GTPBP4: variants seen among roughly 807,000 people sequenced by gnomAD.
The protein encoded by GTPBP4 is GTP binding protein 4, also known as GTP-binding protein 4.
In GTPBP4, 15 loss-of-function variants were observed where a neutral mutation model predicts 81.7. That is an observed-to-expected ratio of 0.18 (90% CI 0.12 to 0.28). The LOEUF (loss-of-function observed/expected upper bound fraction) is 0.28, where lower values mean the gene tolerates loss of function less well. GTPBP4 is among the 10% of genes least tolerant of loss of function. GTPBP4 has a pLI of 1.00. For missense variants in GTPBP4, 847 were observed against 793.8 expected, an observed-to-expected ratio of 1.07 and a Z score of -0.81; for synonymous variants, 272 against 274.6, an observed-to-expected ratio of 0.99 and a Z score of 0.09.
Position 1,019,780 on chromosome 10 carries a change from C to G in GTPBP4, c.*2553C>G. On this transcript the variant is annotated 3_prime_UTR_variant, in exon 17 of 17. Transcript: ENST00000360803. ...ATTTCATGCTCTCCCCAAATTCTGTCTGATTTTGCCTTGTGGTGATAGATT... is the reference window on the plus strand; with the variant it reads ...ATTTCATGCTCTCCCCAAATTCTGTGTGATTTTGCCTTGTGGTGATAGATT... The G allele has an allele frequency of 6.2e-7, 1 of 1,614,102 alleles. No homozygotes were observed. Among genetic ancestry groups the G allele is most frequent in the South Asian group, 1.1e-5 (1 of 91,082 alleles).
At chr10:989,570 G>A (rs995206760) in intron 1 of GTPBP4, among the ~76,000 whole-genome samples, 5 of 152,094 alleles carry the variant, frequency 3.3e-5, no homozygotes, top group African/African-American at 1.2e-4. Context: ...TTTTCCCCTC[G>A]TCAGTGCCTC....
Position 992,582 on chromosome 10 carries a change from A to T in GTPBP4, c.142A>T (p.Met48Leu). 6.3e-7 allele frequency: 1 copy of T among 1,599,864 alleles called. No individual in the cohort carries two copies. Among genetic ancestry groups the T allele is most frequent in the Non-Finnish European group, 8.6e-7 (1 of 1,167,300 alleles). The stretch of plus-strand genomic sequence containing the variant: ...AATACATCGCATTAGACATTTTTAC[A>T]TGAGAAAAGTCAAATTTACTCAACA... Reference protein sequence around the residue: ...YQIHRIRHFYMRKVKFTQQNY... With the variant: ...YQIHRIRHFYLRKVKFTQQNY... The change falls in exon 2 of 17, where the codon ATG becomes TTG. Residue 48 changes from methionine to leucine, a missense_variant. By Grantham distance (15) the Met-to-Leu change is conservative. Coordinates refer to ENST00000360803, the MANE Select transcript of GTPBP4 (RefSeq NM_012341.3).
In GTPBP4 at chr10:1,019,742, C is replaced by T. The variant is rs1349948487; in HGVS notation, c.*2515C>T. ...TCAGAGTGACGTTTTTCCTCACAAG[C>T]AGAAGGTAACAAATTTCATGCTCTC... On this transcript the variant is annotated 3_prime_UTR_variant, in exon 17 of 17. Coordinates refer to ENST00000360803, the MANE Select transcript of GTPBP4 (RefSeq NM_012341.3). The T allele has an allele frequency of 6.2e-7, 1 of 1,613,940 alleles. No individual in the cohort carries two copies. Among genetic ancestry groups the T allele is most frequent in the Admixed American group, 1.7e-5 (1 of 59,984 alleles).
intron 10 of GTPBP4, chr10:1,008,150 C>T (rs745959792): frequency 1.1e-5 from 5 of 454,338 alleles, no homozygotes; most frequent in South Asian, 3.1e-5. Context: ...CAGTGGCTCA[C>T]GTCTGTAATC....
chr10:998,716 T>G (rs1291708383), intron 5 of GTPBP4, among the ~76,000 whole-genome samples: 1 of 152,206 alleles, frequency 6.6e-6, no homozygotes, highest in East Asian at 1.9e-4. Flanking sequence ...AACATGCCTG[T>G]CATCATAAAG....
At chr10:1,005,271 G>A (rs913705087) in intron 8 of GTPBP4, among the ~76,000 whole-genome samples, 3 of 152,024 alleles carry the variant, frequency 2.0e-5, no homozygotes, top group African/African-American at 2.4e-5. Context: ...TCAGCCTCCC[G>A]AGTAGCTGGG....
chr10:1,001,066 A>C, intron 8 of GTPBP4, 53 bp downstream of exon 8: 653 of 1,279,306 alleles, frequency 5.1e-4, no homozygotes, highest in Non-Finnish European at 6.9e-4. Flanking sequence ...CTGAATTCTC[A>C]TCTCAGACAA....
chr10:1,011,074 T>G lies in GTPBP4; in HGVS notation c.1344+554T>G, dbSNP rs529388613. Among the ~76,000 whole-genome samples the G allele has an allele frequency of 3.2e-4, 26 of 82,152 alleles. 1 individual carries two copies. The East Asian group carries it at 0.012, about 37-fold the overall frequency. 53.9% of individuals were successfully genotyped at this position (82,152 alleles called of 152,430 possible). On this transcript the variant is annotated intron_variant, in intron 13 of 16. Transcript: ENST00000360803. Reference sequence around the variant, plus strand: ...TGGGCCCTTCATTCTCCTGCATCCCTCCATCCTGACTGTGCCTCCTGCACC... The same window carrying G: ...TGGGCCCTTCATTCTCCTGCATCCCGCCATCCTGACTGTGCCTCCTGCACC...
chr10:988,594 C>G lies in GTPBP4; in HGVS notation c.48+67C>G, dbSNP rs1589020168. The G allele has an allele frequency of 6.3e-6, 8 of 1,261,670 alleles. No individual in the cohort carries two copies. The South Asian group carries it at 9.6e-5, about 15-fold the overall frequency. The allele number at this position is 1,261,670 out of a possible 1,614,324, so 78.2% of individuals were successfully genotyped here. ...CTCAGCTGGGTCCCCGGGGAGGGTCCGGGCCTGTAGCCGTGGGAGAGCGGT... is the reference window on the plus strand; with the variant it reads ...CTCAGCTGGGTCCCCGGGGAGGGTCGGGGCCTGTAGCCGTGGGAGAGCGGT... On this transcript the variant is annotated intron_variant, in intron 1 of 16. Coordinates refer to ENST00000360803, the MANE Select transcript of GTPBP4 (RefSeq NM_012341.3).
intron 4 of GTPBP4, chr10:996,491 C>T (rs138843597): frequency 1.7e-4 from 51 of 297,784 alleles, no homozygotes; most frequent in African/African-American, 9.3e-4. Flanking sequence ...AAAAAAGTCA[C>T]GAGAAAATAC....
rs1167319203 is a variant in GTPBP4 at position 1,012,676 on chromosome 10, T to C, written c.1542+14T>C. 1 of 1,595,048 alleles carries C rather than the reference T, an allele frequency of 6.3e-7. No homozygotes were observed. The highest frequency in any genetic ancestry group is 8.6e-7 in the Non-Finnish European group (1 of 1,166,376). On this transcript the variant is annotated intron_variant, in intron 14 of 16. Transcript: ENST00000360803. ...ACTGCTAAGAAGGCAAGTTTGTGTCTTTCCAAAGCAGTGTGATCTAGTTTT... is the reference window on the plus strand; with the variant it reads ...ACTGCTAAGAAGGCAAGTTTGTGTCCTTCCAAAGCAGTGTGATCTAGTTTT...
chr10:1,005,672 T>C (rs1385839278), intron 8 of GTPBP4, 146 bp from the exon 9 acceptor site: 4 of 594,658 alleles, frequency 6.7e-6, no homozygotes, highest in Non-Finnish European at 1.2e-5. Context: ...AGAAAATAAC[T>C]GTTTTTAGGA....
rs776217375 is a variant in GTPBP4 at position 1,009,069 on chromosome 10, TG to T, written c.1191+40del. The T allele has an allele frequency of 6.1e-6, 9 of 1,483,192 alleles. No individual in the cohort carries two copies. The Admixed American group carries it at 1.0e-4, about 17-fold the overall frequency. 91.9% of individuals were successfully genotyped at this position (1,483,192 alleles called of 1,614,324 possible). On this transcript the variant is annotated intron_variant, in intron 11 of 16. Coordinates refer to ENST00000360803, the MANE Select transcript of GTPBP4 (RefSeq NM_012341.3). Reference sequence around the variant, plus strand: ...CCGAAGCTCTCGCCCAGTGTTCTCATGGGGGGAGGCAGGCTGTGTGTGCCCA... The same window carrying T: ...CCGAAGCTCTCGCCCAGTGTTCTCATGGGGGAGGCAGGCTGTGTGTGCCCA...
chr10:990,348 G>C (rs903407303), intron 1 of GTPBP4, among the ~76,000 whole-genome samples: 3 of 152,072 alleles, frequency 2.0e-5, no homozygotes, highest in Non-Finnish European at 4.4e-5. Flanking sequence ...TGTTGAGTGA[G>C]TGCCTGTCCT....
At chr10:998,879 A>G in intron 5 of GTPBP4, 124 bp from the exon 6 acceptor site, 1 of 654,522 alleles carries the variant, frequency 1.5e-6, no homozygotes, top group South Asian at 1.7e-5. Context: ...TATTCGATGC[A>G]GTTTTATCGT....
At chr10:1,003,790 A>G (rs1208972662) in intron 8 of GTPBP4, among the ~76,000 whole-genome samples, 1 of 151,866 alleles carries the variant, frequency 6.6e-6, no homozygotes, top group East Asian at 1.9e-4. Flanking sequence ...TTTTCCCGCA[A>G]TGGGGGACTT....
rs1481302590 is a variant in GTPBP4, at chr10:1,009,517, T to G, written c.1192-12T>G. On this transcript the variant is annotated splice_polypyrimidine_tract_variant and intron_variant, in intron 11 of 16. Coordinates refer to ENST00000360803, the MANE Select transcript of GTPBP4 (RefSeq NM_012341.3). ...AAAATGAAGCTGATGATAATTTCTC[T>G]TTCTATTGCAGGAACGAGATCTTGA... 3.8e-6 allele frequency: 6 copies of G among 1,587,542 alleles called. No homozygotes were observed. The highest frequency in any genetic ancestry group is 2.7e-5 in the African/African-American group (2 of 74,422).
At chr10:1,014,536 G>A (rs1831941743) in intron 15 of GTPBP4, among the ~76,000 whole-genome samples, 1 of 152,138 alleles carries the variant, frequency 6.6e-6, no homozygotes, top group African/African-American at 2.4e-5. Context: ...GCGTGTGCCT[G>A]TAATCCCAGT....
Position 988,525 on chromosome 10 carries a change from A to G in GTPBP4, c.46A>G (p.Lys16Glu), listed in dbSNP as rs78632552. ...FKKITVVPSAKDFIDLTLSKT... is the reference protein window; with the variant it reads ...FKKITVVPSAEDFIDLTLSKT... ...GAAAATTACGGTGGTGCCGTCCGCC[A>G]AGGTAGGCGGCCCCGGGAGGGCCAC... The change falls in exon 1 of 17, where the codon AAG becomes GAG. Residue 16 changes from lysine (K) to glutamate (E), a missense_variant and splice_region_variant. Around this residue, in one of 3 missense-constraint regions of GTPBP4, gnomAD observed 241 missense variants for 216.3 expected, o/e 1.11. Coordinates refer to ENST00000360803, the MANE Select transcript of GTPBP4 (RefSeq NM_012341.3). 1.2e-6 allele frequency: 2 copies of G among 1,611,588 alleles called. No homozygotes were observed. Among genetic ancestry groups the G allele is most frequent in the South Asian group, 1.1e-5 (1 of 90,970 alleles).
Sources: allele counts gnomAD v4.1 joint callset (sites outside exome capture counted in the v4.1 genomes callset), GRCh38; gene constraint gnomAD v4.1.1; regional missense constraint gnomAD v4.1.1; transcripts MANE v1.5; gene names NCBI Gene and HGNC (gene_info 2026-07-23, HGNC 2026-07-21).